Variants in CSF1R observed in about 807,000 individuals in gnomAD.
CSF1R encodes the protein macrophage colony-stimulating factor 1 receptor.
In CSF1R, 40 loss-of-function variants were observed where a neutral mutation model predicts 110.0. The observed-to-expected ratio is 0.36, with a 90% CI of 0.28 to 0.47. The LOEUF is 0.47. Among genes scored for constraint, CSF1R ranks in the 20% least tolerant of loss-of-function variants. CSF1R has a pLI of 0.99. For synonymous variants in CSF1R, 523 were observed against 503.4 expected, an observed-to-expected ratio of 1.04 and a Z score of -0.52; for missense variants, 1,052 against 1,253.0, an observed-to-expected ratio of 0.84 and a Z score of 2.42.
In CSF1R at chr5:150,068,318, T is replaced by G; in HGVS notation, c.1523A>C (p.His508Pro). The change falls in exon 10 of 21, where the codon CAT (histidine) becomes CCT (proline). Residue 508 changes from histidine (H) to proline (P), a missense_variant. Transcript: ENST00000675795. ...TGTGAAGAGGAACTCATCCGGGGGA[T>G]GCGTGTGGGCTCCTGGAAGGCATGA... ...FIPISAGAHT[H>P]PPDEFLFTPV... 1 of 1,612,466 alleles carries G rather than the reference T, an allele frequency of 6.2e-7. No individual in the cohort carries two copies. The highest frequency in any genetic ancestry group is 8.5e-7 in the Non-Finnish European group (1 of 1,179,616).
chr5:150,080,454 C>T lies in CSF1R; in HGVS notation c.308-118G>A, dbSNP rs188853211. 3.6e-4 allele frequency: 479 copies of T among 1,337,996 alleles called. 2 individuals are homozygous for T. The highest frequency in any genetic ancestry group is 1.0e-3 in the Middle Eastern group (4 of 3,990). 82.9% of individuals were successfully genotyped at this position (1,337,996 alleles called of 1,614,324 possible). On this transcript the variant is annotated intron_variant, in intron 2 of 20. Coordinates refer to ENST00000675795, the MANE Select transcript of CSF1R (RefSeq NM_001288705.3). ...TGATCATTCATCTGAGGTCACACCA[C>T]GCCAGGACAGTTCAGCGGATGCTTC...
At chr5:150,109,243 T>C (rs1337636935) in intron 1 of CSF1R, among the ~76,000 whole-genome samples, 2 of 152,306 alleles carry the variant, frequency 1.3e-5, no homozygotes, top group South Asian at 2.1e-4. Flanking sequence ...GCCAAGCCAC[T>C]TGATGGCTCT....
intron 1 of CSF1R, among the ~76,000 whole-genome samples, chr5:150,083,603 C>A (rs1038045394): frequency 1.3e-5 from 2 of 151,962 alleles, no homozygotes; most frequent in Non-Finnish European, 2.9e-5. Context: ...TGGGACTGGA[C>A]CCTGGAAAAC....
At chr5:150,085,166 C>T (rs1488306931) in intron 1 of CSF1R, among the ~76,000 whole-genome samples, 1 of 150,960 alleles carries the variant, frequency 6.6e-6, no homozygotes, top group African/African-American at 2.4e-5. Flanking sequence ...GTAATCCCAG[C>T]TTGGGAGGCT....
rs1350339499 is a variant in CSF1R, at chr5:150,068,305, C to T, written c.1536G>A (p.Glu512=). The T allele has an allele frequency of 3.7e-6, 6 of 1,612,940 alleles. No homozygotes were observed. Among genetic ancestry groups the T allele is most frequent in the Non-Finnish European group, 4.2e-6 (5 of 1,179,944 alleles). The part of the protein sequence containing the change: ...SAGAHTHPPD[E]FLFTPVVVAC... ...CGACCACCACTGGTGTGAAGAGGAACTCATCCGGGGGATGCGTGTGGGCTC... is the reference window on the plus strand; with the variant it reads ...CGACCACCACTGGTGTGAAGAGGAATTCATCCGGGGGATGCGTGTGGGCTC... Residue 512 remains glutamate (E), a synonymous_variant, in exon 10 of 21, where the codon GAG becomes GAA. Transcript: ENST00000675795.
rs542936175 is a variant in CSF1R, at chr5:150,065,692, C to T, written c.1626+2523G>A. On this transcript the variant is annotated intron_variant, in intron 10 of 20. Coordinates refer to ENST00000675795, the MANE Select transcript of CSF1R (RefSeq NM_001288705.3). ...CCTCCGCTCCCATGGGTGGACACCT[C>T]GGCCTGGAGCTAAAGGGTCTGTGAA... 1.3e-3 allele frequency among the ~76,000 whole-genome samples: 195 copies of T among 152,346 alleles called. 1 individual carries two copies. Among genetic ancestry groups the T allele is most frequent in the Non-Finnish European group, 2.1e-3 (146 of 68,028 alleles).
In CSF1R at chr5:150,078,241, T is replaced by G; in HGVS notation, c.600A>C (p.Pro200=). The G allele has an allele frequency of 4.3e-6, 7 of 1,614,036 alleles. No homozygotes were observed. Among genetic ancestry groups the G allele is most frequent in the Non-Finnish European group, 5.9e-6 (7 of 1,179,974 alleles). Residue 200 remains proline (P), a synonymous_variant, in exon 4 of 21, where the codon CCA becomes CCC. Transcript: ENST00000675795. ...GCACCAGTGTCAAGGCTGGGGGCCC[T>G]GGGATGACTGAGACCGGGGGAGAGA... ...SIRLKVQKVI[P]GPPALTLVPA...
At chr5:150,093,461 C>A (rs1759109299) in intron 1 of CSF1R, among the ~76,000 whole-genome samples, 1 of 152,140 alleles carries the variant, frequency 6.6e-6, no homozygotes, top group Non-Finnish European at 1.5e-5. Context: ...ACCCAGGACA[C>A]TCCCTAAAAA....
At chr5:150,078,377 G>GTCCC (rs35632500) in intron 3 of CSF1R, 129 bp from the exon 4 acceptor site, 284 of 1,239,744 alleles carry the variant, frequency 2.3e-4, no homozygotes, top group Non-Finnish European at 1.0e-4. Context: ...CAAATCCTGG[G>GTCCC]AGGCAGCCTT....
chr5:150,057,367 C>G lies in CSF1R; in HGVS notation c.2239G>C (p.Gly747Arg), dbSNP rs41355444. 6.5e-5 allele frequency: 105 copies of G among 1,613,956 alleles called. No individual in the cohort carries two copies. The highest frequency in any genetic ancestry group is 8.6e-5 in the Non-Finnish European group (102 of 1,179,992). The change falls in exon 16 of 21, where the codon GGA becomes CGA. Residue 747 changes from glycine (G) to arginine (R), a missense_variant. Physicochemically the swap from Gly to Arg is moderately radical, Grantham distance 125 (BLOSUM62 -2). Transcript: ENST00000675795. ...AGGTCCCGGAGCTCCAGGGGCCGTC[C>G]ATCCTCCTTGTCCAGGTCTAGGGTG... is the stretch of plus-strand genomic sequence containing the variant. ...FSEQDLDKEDGRPLELRDLLH... is the reference protein window; with the variant it reads ...FSEQDLDKEDRRPLELRDLLH...
At chr5:150,055,971 G>A in intron 18 of CSF1R, 55 bp downstream of exon 18, 1 of 1,526,066 alleles carries the variant, frequency 6.6e-7, no homozygotes, top group Non-Finnish European at 9.0e-7. Context: ...TCCACCAGTG[G>A]GGCAACCAGA....
chr5:150,074,188 A>G (rs895853321), intron 5 of CSF1R, among the ~76,000 whole-genome samples: 1 of 152,128 alleles, frequency 6.6e-6, no homozygotes, highest in African/African-American at 2.4e-5. Flanking sequence ...GAACACCTGG[A>G]TCCAAGTGTT....
intron 1 of CSF1R, among the ~76,000 whole-genome samples, chr5:150,093,227 T>G (rs546202341): frequency 1.6e-3 from 244 of 152,178 alleles, no homozygotes; most frequent in African/African-American, 5.7e-3. Flanking sequence ...TACAGACACC[T>G]GCCACCGTGT....
At chr5:150,089,818 CATAAGA>C (rs763941266), upstream of CSF1R, among the ~76,000 whole-genome samples, 10 of 152,118 alleles carry the variant, frequency 6.6e-5, no homozygotes, top group African/African-American at 4.8e-5. Context: ...GTGGTATCAG[CATAAGA>C]ATAACTATAT....
At chr5:150,094,491 A>C (rs1759149133) in intron 1 of CSF1R, 32 of 1,599,526 alleles carry the variant, frequency 2.0e-5, no homozygotes, top group Non-Finnish European at 2.6e-5. Context: ...ATATAGGCAG[A>C]TGTACAGGAC....
rs772750557 is a variant in CSF1R at position 150,061,760 on chromosome 5, G to A, written c.1716C>T (p.Asn572=). Residue 572 remains asparagine (N), a synonymous_variant, in exon 11 of 21, where the codon AAC becomes AAT. Transcript: ENST00000675795. ...TFIDPTQLPY[N]EKWEFPRNNL... ...TGTTCCGGGGGAACTCCCACTTCTC[G>A]TTGTAAGGCAGCTGCGTGGGGTCGA... 51 of 1,614,090 alleles carry A rather than the reference G, an allele frequency of 3.2e-5. No individual in the cohort carries two copies. The Admixed American group carries it at 6.3e-4, about 20-fold the overall frequency.
At position 150,060,886 on chromosome 5, in the gene CSF1R, G is replaced by A; in HGVS notation, c.1945C>T (p.Leu649Phe). ...HLGQHENIVN[L>F]LGACTHGGPV... ...CCTCCATGGGTACAGGCTCCCAGAA[G>A]GTTGACGATGTTCTCGTGCTGGCCC... The change falls in exon 13 of 21, where the codon CTT becomes TTT. Residue 649 changes from leucine to phenylalanine, a missense_variant. Leu to Phe is a conservative substitution (Grantham distance 22, BLOSUM62 0). Coordinates refer to ENST00000675795, the MANE Select transcript of CSF1R (RefSeq NM_001288705.3). The A allele has an allele frequency of 6.2e-7, 1 of 1,610,622 alleles. No individual in the cohort carries two copies. The highest frequency in any genetic ancestry group is 8.5e-7 in the Non-Finnish European group (1 of 1,178,436).
intron 1 of CSF1R, among the ~76,000 whole-genome samples, chr5:150,097,926 A>G (rs1581346073): frequency 6.6e-6 from 1 of 152,370 alleles, no homozygotes; most frequent in African/African-American, 2.4e-5. Context: ...ATATGGAAGC[A>G]TAAAGGAATT....
chr5:150,094,369 G>C (rs1759144247), intron 1 of CSF1R: 1 of 1,599,868 alleles, frequency 6.3e-7, no homozygotes. Flanking sequence ...AAAAAGCGAA[G>C]GAATTTCGCA....
Sources: gnomAD v4.1 joint callset for allele counts (sites outside exome capture counted in the v4.1 genomes callset) on GRCh38, gnomAD v4.1.1 for gene constraint, MANE v1.5 for transcripts, NCBI Gene and HGNC (gene_info 2026-07-23, HGNC 2026-07-21) for gene names.